The following CACNA2D3 variants were observed in gnomAD, a reference collection of about 807,000 sequenced individuals.
The protein encoded by CACNA2D3 is voltage-dependent calcium channel subunit alpha-2/delta-3.
A neutral mutation model predicts 160.6 loss-of-function variants in CACNA2D3; 60 were observed. The ratio of observed to expected loss-of-function variants is 0.37; its 90% CI spans 0.30 to 0.46. The LOEUF (loss-of-function observed/expected upper bound fraction) is 0.46, where lower values mean the gene tolerates loss of function less well. Ranked by LOEUF, CACNA2D3 falls within the 20% of genes least tolerant of loss-of-function variation. The pLI is 1.00. For missense variants in CACNA2D3, 1,205 were observed against 1,365.0 expected (o/e 0.88, Z 1.85); for synonymous variants, 558 against 492.9 (o/e 1.13, Z -1.75).
chr3:54,291,489 G>A (rs559582176), intron 2 of CACNA2D3, among the ~76,000 whole-genome samples: 1 of 152,016 alleles, frequency 6.6e-6, no homozygotes, highest in Non-Finnish European at 1.5e-5. Context: ...AGAACCTCTT[G>A]TCATTTTTGC....
At chr3:54,530,229 C>T (rs756443218) in intron 5 of CACNA2D3, among the ~76,000 whole-genome samples, 10 of 152,206 alleles carry the variant, frequency 6.6e-5, no homozygotes, top group Non-Finnish European at 1.5e-4. Context: ...CCTGTTCTTG[C>T]ATGCACTGTA....
intron 14 of CACNA2D3, among the ~76,000 whole-genome samples, chr3:54,836,706 A>C (rs569710740): frequency 6.6e-6 from 1 of 152,320 alleles, no homozygotes; most frequent in South Asian, 2.1e-4. Context: ...GGGGAAAATA[A>C]GTGCATCCAG....
intron 2 of CACNA2D3, among the ~76,000 whole-genome samples, chr3:54,270,619 G>A (rs1161381860): frequency 6.6e-6 from 1 of 152,172 alleles, no homozygotes; most frequent in Non-Finnish European, 1.5e-5. Context: ...GCCTGGGTGG[G>A]CTCTGCTGAG....
At chr3:54,721,529 G>A (rs1338425836) in intron 11 of CACNA2D3, among the ~76,000 whole-genome samples, 1 of 152,110 alleles carries the variant, frequency 6.6e-6, no homozygotes, top group Non-Finnish European at 1.5e-5. Flanking sequence ...GGGAAGCCAA[G>A]GCAGGTGGAT....
intron 4 of CACNA2D3, among the ~76,000 whole-genome samples, chr3:54,422,273 A>G (rs28499116): frequency 3.1e-4 from 47 of 152,238 alleles, no homozygotes; most frequent in African/African-American, 1.0e-3. Flanking sequence ...GGTAACAGCA[A>G]TAGCAAATTG....
chr3:54,468,379 T>C (rs1395319035), intron 4 of CACNA2D3, among the ~76,000 whole-genome samples: 1 of 152,158 alleles, frequency 6.6e-6, no homozygotes, highest in Non-Finnish European at 1.5e-5. Context: ...GACTGTGCCG[T>C]GAGGAATGGT....
intron 2 of CACNA2D3, among the ~76,000 whole-genome samples, chr3:54,262,473 C>G (rs1410666079): frequency 6.6e-6 from 1 of 152,128 alleles, no homozygotes; most frequent in East Asian, 1.9e-4. Context: ...ATAATTTAAA[C>G]ATGCTGGTTA....
chr3:54,417,570 C>A (rs1278482542), intron 4 of CACNA2D3, among the ~76,000 whole-genome samples: 1 of 152,078 alleles, frequency 6.6e-6, no homozygotes, highest in Non-Finnish European at 1.5e-5. Context: ...CTAGCAACTT[C>A]TACAGATATA....
At chr3:54,788,737 T>C (rs879591365) in intron 13 of CACNA2D3, among the ~76,000 whole-genome samples, 2 of 152,186 alleles carry the variant, frequency 1.3e-5, no homozygotes, top group African/African-American at 2.4e-5. Context: ...CTCTACTTCA[T>C]TGGGTCAGGT....
At chr3:55,060,125 A>C (rs6809432) in intron 35 of CACNA2D3, among the ~76,000 whole-genome samples, 20,158 of 151,952 alleles carry the variant, frequency 0.13, 2,427 homozygotes, top group Admixed American at 0.28. Context: ...CGCAGTATTT[A>C]CTTGCCTCCT....
chr3:54,603,378 C>G (rs376605756), intron 9 of CACNA2D3, among the ~76,000 whole-genome samples: 2 of 152,238 alleles, frequency 1.3e-5, no homozygotes, highest in African/African-American at 4.8e-5. Context: ...TCAACCCCAT[C>G]TATCCAACCC....
At chr3:55,041,207 T>C (rs1703952595) in intron 35 of CACNA2D3, among the ~76,000 whole-genome samples, 1 of 152,216 alleles carries the variant, frequency 6.6e-6, no homozygotes, top group East Asian at 1.9e-4. Context: ...ACTTCGAGCC[T>C]TGTCTTATTA....
chr3:54,765,122 C>T (rs569712958), intron 13 of CACNA2D3, among the ~76,000 whole-genome samples: 13 of 152,122 alleles, frequency 8.5e-5, no homozygotes, highest in Non-Finnish European at 1.8e-4. Flanking sequence ...CACTGTAACC[C>T]AGACACAGCT....
At chr3:54,953,919 T>C (rs1206837817) in intron 27 of CACNA2D3, among the ~76,000 whole-genome samples, 1 of 152,172 alleles carries the variant, frequency 6.6e-6, no homozygotes, top group Non-Finnish European at 1.5e-5. Flanking sequence ...TGCTAAGTGC[T>C]CCATTGTTTA....
chr3:54,206,101 C>T (rs1028668200), intron 2 of CACNA2D3, among the ~76,000 whole-genome samples: 15 of 152,098 alleles, frequency 9.9e-5, no homozygotes, highest in African/African-American at 2.2e-4. Flanking sequence ...ACATAGAAAA[C>T]GTTCGAAGAT....
intron 11 of CACNA2D3, among the ~76,000 whole-genome samples, chr3:54,732,674 C>G (rs1478300225): frequency 6.6e-6 from 1 of 152,168 alleles, no homozygotes; most frequent in Non-Finnish European, 1.5e-5. Context: ...TTCTCATTCT[C>G]TCAGTCTGAA....
At chr3:54,271,526 T>C (rs1702621574) in intron 2 of CACNA2D3, among the ~76,000 whole-genome samples, 1 of 152,248 alleles carries the variant, frequency 6.6e-6, no homozygotes, top group South Asian at 2.1e-4. Flanking sequence ...GAAGAGCCAG[T>C]TGGCCTTTTC....
At chr3:54,424,961 A>G (rs1370843284) in intron 4 of CACNA2D3, among the ~76,000 whole-genome samples, 4 of 152,188 alleles carry the variant, frequency 2.6e-5, no homozygotes, top group African/African-American at 9.7e-5. Context: ...GGGTACAGAA[A>G]AAAGAGAGAA....
intron 13 of CACNA2D3, among the ~76,000 whole-genome samples, chr3:54,792,597 CTT>C (rs1476978933): frequency 6.6e-6 from 1 of 152,098 alleles, no homozygotes; most frequent in East Asian, 1.9e-4. Context: ...TCAGATGAGG[CTT>C]TTTCCCCTGT....
Sources: gnomAD v4.1 joint callset for allele counts (sites outside exome capture counted in the v4.1 genomes callset) on GRCh38, gnomAD v4.1.1 for gene constraint, MANE v1.5 for transcripts, NCBI Gene and HGNC (gene_info 2026-07-23, HGNC 2026-07-21) for gene names.